Variants in FRMD5 observed in about 807,000 individuals in gnomAD.
The protein encoded by FRMD5 is FERM domain containing 5, also known as FERM domain-containing protein 5.
Under a neutral mutation model 69.0 loss-of-function variants are expected in FRMD5, and 20 were observed. That is an observed-to-expected ratio of 0.29 (90% CI 0.20 to 0.42). The LOEUF (loss-of-function observed/expected upper bound fraction) is 0.42, where lower values mean the gene tolerates loss of function less well. Ranked by LOEUF, FRMD5 falls within the 10% of genes least tolerant of loss-of-function variation. The probability of loss-of-function intolerance (pLI) is 1.00; values close to 1 mark genes in which losing one functional copy is unlikely to be tolerated. For missense variants in FRMD5, 595 were observed against 708.6 expected (o/e 0.84, Z 1.82); for synonymous variants, 271 against 260.1 (o/e 1.04, Z -0.40).
chr15:44,165,893 A>G (rs1397767719), intron 1 of FRMD5, among the ~76,000 whole-genome samples: 1 of 152,224 alleles, frequency 6.6e-6, no homozygotes, highest in Non-Finnish European at 1.5e-5. Context: ...CTGAGTATTA[A>G]AAGAGGTATA....
chr15:44,064,246 A>T, intron 1 of FRMD5: 1 of 169,664 alleles, frequency 5.9e-6, no homozygotes, highest in Non-Finnish European at 1.2e-5. Context: ...TCAGTCATGG[A>T]TCTGATCTGC....
At chr15:44,036,493 C>G (rs537468499) in intron 1 of FRMD5, among the ~76,000 whole-genome samples, 1 of 152,322 alleles carries the variant, frequency 6.6e-6, no homozygotes, top group Non-Finnish European at 1.5e-5. Flanking sequence ...AATTCTCATA[C>G]TGCTATTTGC....
intron 1 of FRMD5, among the ~76,000 whole-genome samples, chr15:44,018,806 G>A (rs1192542644): frequency 6.6e-6 from 1 of 152,150 alleles, no homozygotes; most frequent in Non-Finnish European, 1.5e-5. Context: ...ACTGACCTAG[G>A]CAGTTTATTT....
At chr15:44,180,132 C>G (rs529128741) in intron 1 of FRMD5, among the ~76,000 whole-genome samples, 2 of 151,552 alleles carry the variant, frequency 1.3e-5, no homozygotes, top group Non-Finnish European at 2.9e-5. Context: ...GTTCAAATCC[C>G]AGCTTCCCGA....
At chr15:43,945,222 G>A (rs2089926282) in intron 1 of FRMD5, among the ~76,000 whole-genome samples, 1 of 152,122 alleles carries the variant, frequency 6.6e-6, no homozygotes. Flanking sequence ...TTTTTATTAT[G>A]CTCCAGTGGC....
At chr15:43,879,903 A>C (rs1398154120) in intron 13 of FRMD5, 1 of 363,014 alleles carries the variant, frequency 2.8e-6, no homozygotes, top group African/African-American at 2.1e-5. Context: ...AGCAGCTCTG[A>C]GAGGCCACCG....
Position 43,952,236 on chromosome 15 carries a change from A to G in FRMD5, c.103-27927T>C, listed in dbSNP as rs1595553949. ...CACATAAGCAAATGCTGCACTAAAT[A>G]TACATCCCAAATACATTCTATCAGG... On this transcript the variant is annotated intron_variant, in intron 1 of 13. Transcript: ENST00000417257. Among the ~76,000 whole-genome samples the G allele has an allele frequency of 2.0e-5, 3 of 152,262 alleles. No individual in the cohort carries two copies. In the South Asian group the frequency reaches 6.2e-4, roughly 32 times the overall value.
At chr15:43,948,488 T>C (rs558791742) in intron 1 of FRMD5, among the ~76,000 whole-genome samples, 2 of 152,234 alleles carry the variant, frequency 1.3e-5, no homozygotes, top group East Asian at 3.8e-4. Context: ...GACATGTTCA[T>C]TCCATTATAT....
intron 1 of FRMD5, among the ~76,000 whole-genome samples, chr15:44,140,526 G>T (rs534300482): frequency 6.6e-6 from 1 of 152,026 alleles, no homozygotes; most frequent in African/African-American, 2.4e-5. Context: ...AAAGGCACAA[G>T]AATTAAAAAA....
chr15:44,093,570 C>T (rs907465474), intron 1 of FRMD5, among the ~76,000 whole-genome samples: 5 of 151,448 alleles, frequency 3.3e-5, no homozygotes, highest in African/African-American at 9.7e-5. Context: ...TGCAACCATG[C>T]TATCTTTTTT....
chr15:44,000,600 T>C (rs889322061), intron 1 of FRMD5, among the ~76,000 whole-genome samples: 1 of 151,944 alleles, frequency 6.6e-6, no homozygotes, highest in Non-Finnish European at 1.5e-5. Context: ...GCTGGGATTA[T>C]AGGCAAGTGC....
chr15:44,140,316 T>C (rs1223197016), intron 1 of FRMD5, among the ~76,000 whole-genome samples: 1 of 151,844 alleles, frequency 6.6e-6, no homozygotes, highest in Non-Finnish European at 1.5e-5. Flanking sequence ...GAAAAACTCA[T>C]AGGGAGGAAA....
At chr15:44,145,225 C>T (rs987098866) in intron 1 of FRMD5, among the ~76,000 whole-genome samples, 1 of 152,120 alleles carries the variant, frequency 6.6e-6, no homozygotes, top group African/African-American at 2.4e-5. Context: ...GATAGCAAAA[C>T]TGCACAGAAC....
intron 1 of FRMD5, chr15:43,989,771 C>T (rs1773166960): frequency 1.0e-6 from 1 of 1,001,768 alleles, no homozygotes; most frequent in Non-Finnish European, 1.6e-6. Flanking sequence ...GACAGCACGG[C>T]CTGGATGGCC....
intron 5 of FRMD5, among the ~76,000 whole-genome samples, chr15:43,907,062 G>A (rs1037748162): frequency 2.6e-5 from 4 of 152,144 alleles, no homozygotes; most frequent in Non-Finnish European, 5.9e-5. Context: ...ACCCAGGTCA[G>A]AATCCAGCTT....
chr15:44,154,466 G>C (rs993899149), intron 1 of FRMD5, among the ~76,000 whole-genome samples: 3 of 152,116 alleles, frequency 2.0e-5, no homozygotes, highest in Non-Finnish European at 2.9e-5. Context: ...GGGCACCAAA[G>C]CTTTTACTTT....
intron 1 of FRMD5, among the ~76,000 whole-genome samples, chr15:43,964,137 T>C (rs757360662): frequency 9.2e-5 from 14 of 152,170 alleles, no homozygotes; most frequent in Non-Finnish European, 1.6e-4. Flanking sequence ...ACTTTTGTTA[T>C]AATCATAGAT....
chr15:43,875,478 C>T (rs2088316784), intron 13 of FRMD5, among the ~76,000 whole-genome samples: 1 of 148,914 alleles, frequency 6.7e-6, no homozygotes. Context: ...CGGTTTTGGC[C>T]TAGTTTGTGT....
chr15:43,962,975 C>A (rs1375619873), intron 1 of FRMD5, among the ~76,000 whole-genome samples: 2 of 152,174 alleles, frequency 1.3e-5, no homozygotes, highest in African/African-American at 2.4e-5. Flanking sequence ...GTAGGCAATA[C>A]CATTCAGGAT....
Sources: gnomAD v4.1 joint callset for allele counts (sites outside exome capture counted in the v4.1 genomes callset) on GRCh38, gnomAD v4.1.1 for gene constraint, MANE v1.5 for transcripts, NCBI Gene and HGNC (gene_info 2026-07-23, HGNC 2026-07-21) for gene names.